R3HDM2: variants seen among roughly 807,000 people sequenced by gnomAD.
R3HDM2 encodes the protein R3H domain-containing protein 2.
In R3HDM2, 38 loss-of-function variants were observed where a neutral mutation model predicts 124.5. The ratio of observed to expected loss-of-function variants is 0.31; its 90% confidence interval spans 0.24 to 0.40. R3HDM2 has a LOEUF of 0.40. Among genes scored for constraint, R3HDM2 ranks in the 10% least tolerant of loss-of-function variants. R3HDM2 has a pLI of 1.00. For synonymous variants in R3HDM2, 391 were observed against 448.0 expected (o/e 0.87, Z 1.61); for missense variants, 869 against 1,236.9 (o/e 0.70, Z 4.46).
rs774760818 is a variant in R3HDM2, at chr12:57,254,127, T to C, written c.*646A>G. ...GGATGTTAAGGTAATAGGAGGACAG[T>C]GTGGGACTTTCCCAATTCTACCTGA... is the stretch of plus-strand genomic sequence containing the variant. On this transcript the variant is annotated 3_prime_UTR_variant, in exon 24 of 24. Coordinates refer to ENST00000402412, the MANE Select transcript of R3HDM2 (RefSeq NM_001394031.1). 1.2e-3 allele frequency: 560 copies of C among 455,648 alleles called. 1 individual carries two copies. The highest frequency in any genetic ancestry group is 1.8e-3 in the Admixed American group (75 of 42,416). 28.2% of individuals were successfully genotyped at this position (455,648 alleles called of 1,614,324 possible). A position where few individuals can be genotyped will look rare whatever the true frequency, so the allele number is the denominator to read the frequency against.
At chr12:57,423,286 C>T (rs756637313) in intron 1 of R3HDM2, among the ~76,000 whole-genome samples, 2 of 151,474 alleles carry the variant, frequency 1.3e-5, no homozygotes, top group African/African-American at 2.4e-5. Context: ...TAGCCAGGCA[C>T]GGTGGCGCAC....
intron 2 of R3HDM2, among the ~76,000 whole-genome samples, chr12:57,384,274 A>T (rs2138419616): frequency 6.6e-6 from 1 of 152,098 alleles, no homozygotes; most frequent in South Asian, 2.1e-4. Flanking sequence ...GAATGGCGTG[A>T]ACCCGGGAGG....
chr12:57,430,703 C>T lies in R3HDM2; in HGVS notation c.-106+17G>A. ...CCGTCCGGGCCGCCCGCCCCCTCGG[C>T]CGGGAGGTGGCCTCACCTCGCACGG... is the stretch of plus-strand genomic sequence containing the variant. On this transcript the variant is annotated intron_variant, in intron 1 of 23. Transcript: ENST00000402412. 1.9e-6 allele frequency: 1 copy of T among 534,010 alleles called. No homozygotes were observed. Among genetic ancestry groups the T allele is most frequent in the Non-Finnish European group, 2.4e-6 (1 of 418,736 alleles). 33.1% of individuals were successfully genotyped at this position (534,010 alleles called of 1,614,324 possible).
chr12:57,366,050 A>G (rs999109114), intron 2 of R3HDM2, among the ~76,000 whole-genome samples: 1 of 152,190 alleles, frequency 6.6e-6, no homozygotes, highest in African/African-American at 2.4e-5. Flanking sequence ...ATTTATTCAA[A>G]TATTTGTCTC....
chr12:57,316,947 A>C (rs1356311165), intron 2 of R3HDM2, among the ~76,000 whole-genome samples: 2 of 151,932 alleles, frequency 1.3e-5, no homozygotes, highest in African/African-American at 4.8e-5. Context: ...GGGTTTCTCC[A>C]TGTTGGCCAG....
intron 2 of R3HDM2, among the ~76,000 whole-genome samples, chr12:57,322,676 A>G (rs936920895): frequency 5.9e-5 from 9 of 151,926 alleles, no homozygotes; most frequent in Non-Finnish European, 1.3e-4. Context: ...TCCTAACACA[A>G]CTCTTTGTTA....
intron 13 of R3HDM2, among the ~76,000 whole-genome samples, chr12:57,282,927 G>A (rs2046514413): frequency 6.6e-6 from 1 of 152,180 alleles, no homozygotes; most frequent in Non-Finnish European, 1.5e-5. Flanking sequence ...CGATGAAATA[G>A]AGGTCTAAAT....
intron 2 of R3HDM2, among the ~76,000 whole-genome samples, chr12:57,356,295 C>T (rs1275689874): frequency 6.6e-6 from 1 of 151,720 alleles, no homozygotes; most frequent in Non-Finnish European, 1.5e-5. Flanking sequence ...TTTTTAAACC[C>T]AGTGGTTCTT....
At position 57,342,754 on chromosome 12, in the gene R3HDM2, A is replaced by G. The variant is rs547078522; in HGVS notation, c.-35-32291T>C. 3.3e-5 allele frequency among the ~76,000 whole-genome samples: 5 copies of G among 152,362 alleles called. No individual in the cohort carries two copies. In the South Asian group the frequency reaches 8.3e-4, roughly 25 times the overall value. On this transcript the variant is annotated intron_variant, in intron 2 of 23. Coordinates refer to ENST00000402412, the MANE Select transcript of R3HDM2 (RefSeq NM_001394031.1). ...TTACCTTTTTCTCACCTGCAAAATAACTGAGGTCAGGGATATGATCTTTGC... is the reference window on the plus strand; with the variant it reads ...TTACCTTTTTCTCACCTGCAAAATAGCTGAGGTCAGGGATATGATCTTTGC...
At chr12:57,332,395 AG>A in intron 2 of R3HDM2, among the ~76,000 whole-genome samples, 1 of 110,528 alleles carries the variant, frequency 9.0e-6, no homozygotes, top group African/African-American at 3.6e-5. Flanking sequence ...TCCAGCCTGG[AG>A]TGAGACCCTG....
At chr12:57,363,888 A>G (rs1288662557) in intron 2 of R3HDM2, among the ~76,000 whole-genome samples, 1 of 151,636 alleles carries the variant, frequency 6.6e-6, no homozygotes, top group Non-Finnish European at 1.5e-5. Flanking sequence ...AAGGCAAAAG[A>G]ATGAACTTCC....
intron 2 of R3HDM2, among the ~76,000 whole-genome samples, chr12:57,369,966 T>C (rs1244090788): frequency 6.6e-6 from 1 of 152,182 alleles, no homozygotes; most frequent in Non-Finnish European, 1.5e-5. Context: ...AAATAGCACA[T>C]ATAAATTAAT....
chr12:57,262,234 A>G lies in R3HDM2; in HGVS notation c.2132-3175T>C, dbSNP rs532859109. On this transcript the variant is annotated intron_variant, in intron 19 of 23. Coordinates refer to ENST00000402412, the MANE Select transcript of R3HDM2 (RefSeq NM_001394031.1). ...GATATCTTCACTAAATGGAAGACGA[A>G]AGAGCAGTCTCAGCTTTGGAAACCC... Among the ~76,000 whole-genome samples, 21 of 152,318 alleles carry G rather than the reference A, an allele frequency of 1.4e-4. No individual in the cohort carries two copies. The South Asian group carries it at 4.3e-3, about 32-fold the overall frequency.
At chr12:57,277,099 CAA>C (rs11321648) in intron 14 of R3HDM2, among the ~76,000 whole-genome samples, 199 of 106,376 alleles carry the variant, frequency 1.9e-3, no homozygotes, top group Middle Eastern at 8.5e-3. Context: ...AAATAATGAA[CAA>C]AAAAAAAAAA....
chr12:57,288,551 A>G (rs887333866), intron 12 of R3HDM2, among the ~76,000 whole-genome samples: 6 of 152,112 alleles, frequency 3.9e-5, no homozygotes, highest in Non-Finnish European at 5.9e-5. Context: ...AATATGTTTG[A>G]ATCTTTCAAA....
intron 2 of R3HDM2, among the ~76,000 whole-genome samples, chr12:57,337,037 C>T (rs1013427201): frequency 2.6e-5 from 4 of 152,202 alleles, no homozygotes; most frequent in African/African-American, 4.8e-5. Context: ...ACACAGCAGA[C>T]TAACGTGAGA....
intron 2 of R3HDM2, among the ~76,000 whole-genome samples, chr12:57,330,677 G>A (rs1292296597): frequency 7.0e-6 from 1 of 143,586 alleles, no homozygotes; most frequent in African/African-American, 2.6e-5. Context: ...ATTTTTTGTG[G>A]CATCTTTAGG....
chr12:57,349,401 A>AG (rs2060446534), intron 2 of R3HDM2, among the ~76,000 whole-genome samples: 1 of 148,878 alleles, frequency 6.7e-6, no homozygotes, highest in Admixed American at 6.7e-5. Context: ...AAAAAAAAAA[A>AG]AAAAAAGAAA....
At position 57,268,444 on chromosome 12, in the gene R3HDM2, C is replaced by T. The variant is rs201329941; in HGVS notation, c.1889G>A (p.Ser630Asn). The T allele has an allele frequency of 1.2e-4, 194 of 1,613,904 alleles. No homozygotes were observed. Among genetic ancestry groups the T allele is most frequent in the Non-Finnish European group, 3.6e-5 (42 of 1,179,986 alleles). ...PLPSYQVPVG[S>N]DSQNVVQPPF... is the part of the protein sequence containing the mutation. ...CGGCTGGACCACATTTTGCGAGTCA[C>T]TACCCACTGGAACCTGGGTGAGAAA... Residue 630 changes from serine to asparagine, a missense_variant, in exon 18 of 24, where the codon AGT becomes AAT. Physicochemically the swap from Ser to Asn is conservative, Grantham distance 46 (BLOSUM62 1). Coordinates refer to ENST00000402412, the MANE Select transcript of R3HDM2 (RefSeq NM_001394031.1).
Sources: gnomAD v4.1 joint callset for allele counts (sites outside exome capture counted in the v4.1 genomes callset) on GRCh38, gnomAD v4.1.1 for gene constraint, MANE v1.5 for transcripts, NCBI Gene and HGNC (gene_info 2026-07-23, HGNC 2026-07-21) for gene names.